Variants in R3HCC1L observed in about 807,000 individuals in gnomAD.
R3HCC1L encodes the protein coiled-coil domain-containing protein R3HCC1L.
In R3HCC1L, 51 loss-of-function variants were observed where a neutral mutation model predicts 59.9. The ratio of observed to expected loss-of-function variants is 0.85; its 90% CI spans 0.68 to 1.07. The LOEUF is 1.07. Among genes scored for constraint, R3HCC1L ranks in the 50% least tolerant of loss-of-function variants. The probability of loss-of-function intolerance (pLI) is 0.00; values close to 1 mark genes in which losing one functional copy is unlikely to be tolerated. For synonymous variants in R3HCC1L, 322 were observed against 315.2 expected, an observed-to-expected ratio of 1.02 and a Z score of -0.23; for missense variants, 965 against 933.0, an observed-to-expected ratio of 1.03 and a Z score of -0.45.
chr10:98,173,002 T>G (rs1302990224), intron 4 of R3HCC1L, among the ~76,000 whole-genome samples: 1 of 152,222 alleles, frequency 6.6e-6, no homozygotes, highest in African/African-American at 2.4e-5. Flanking sequence ...AAAGGTAATT[T>G]ACTGATTTCA....
At chr10:98,218,717 A>G (rs767526746) in intron 5 of R3HCC1L, among the ~76,000 whole-genome samples, 10 of 152,122 alleles carry the variant, frequency 6.6e-5, no homozygotes, top group Non-Finnish European at 1.2e-4. Flanking sequence ...TGTAAATCCA[A>G]TGTTTCTCTG....
intron 1 of R3HCC1L, among the ~76,000 whole-genome samples, chr10:98,138,888 G>A (rs1475197031): frequency 6.6e-6 from 1 of 152,184 alleles, no homozygotes; most frequent in Non-Finnish European, 1.5e-5. Context: ...GAAGATTAAA[G>A]ATTATTCGAA....
rs373770727 is a variant in R3HCC1L at position 98,174,108 on chromosome 10, T to G, written c.-15+10711T>G. On this transcript the variant is annotated intron_variant, in intron 4 of 9. Coordinates refer to ENST00000298999, the MANE Select transcript of R3HCC1L (RefSeq NM_001351015.2). ...GAATATGTGAACAAATATGAGAAATTAGAGAACATTTCAAAGTACTAATAC... is the reference window on the plus strand; with the variant it reads ...GAATATGTGAACAAATATGAGAAATGAGAGAACATTTCAAAGTACTAATAC... Among the ~76,000 whole-genome samples the G allele has an allele frequency of 3.3e-5, 5 of 152,278 alleles. No individual in the cohort carries two copies. In the South Asian group the frequency reaches 1.0e-3, roughly 32 times the overall value.
In R3HCC1L at chr10:98,154,182, CAAA is replaced by C. The variant is rs61379048; in HGVS notation, c.-267-1892_-267-1890del. 4.2e-3 allele frequency among the ~76,000 whole-genome samples: 394 copies of C among 92,796 alleles called. 1 individual carries two copies. Among genetic ancestry groups the C allele is most frequent in the African/African-American group, 0.013 (321 of 24,680 alleles). The allele number at this position is 92,796 out of a possible 152,430, so 60.9% of individuals were successfully genotyped here. A position where few individuals can be genotyped will look rare whatever the true frequency, so the allele number is the denominator to read the frequency against. On this transcript the variant is annotated intron_variant, in intron 1 of 9. Transcript: ENST00000298999. Reference sequence around the variant, plus strand: ...GTTATACTACAGAGCAGAGAATAAGCAAAAAAAAAAAAAAAAAAAAAGGAAGAA... The same window carrying C: ...GTTATACTACAGAGCAGAGAATAAGCAAAAAAAAAAAAAAAAAAGGAAGAA...
At position 98,235,420 on chromosome 10, in the gene R3HCC1L, T is replaced by G; in HGVS notation, c.2033-5T>G. On this transcript the variant is annotated splice_region_variant and splice_polypyrimidine_tract_variant and intron_variant, in intron 7 of 9. Transcript: ENST00000298999. ...TCTTCTGCTTCCTTTTATTCCTCTTTGCAGCTCGTGATGCGTTGGGTATTA... is the reference window on the plus strand; with the variant it reads ...TCTTCTGCTTCCTTTTATTCCTCTTGGCAGCTCGTGATGCGTTGGGTATTA... The G allele has an allele frequency of 6.2e-7, 1 of 1,612,286 alleles. No individual in the cohort carries two copies. The highest frequency in any genetic ancestry group is 8.5e-7 in the Non-Finnish European group (1 of 1,178,636).
intron 9 of R3HCC1L, among the ~76,000 whole-genome samples, chr10:98,237,972 T>A (rs1252537657): frequency 6.6e-6 from 1 of 152,160 alleles, no homozygotes; most frequent in Non-Finnish European, 1.5e-5. Context: ...AGAGGGTAGG[T>A]AAGTAACTTA....
chr10:98,222,161 CATT>C (rs1021319553), intron 5 of R3HCC1L, among the ~76,000 whole-genome samples: 3 of 152,246 alleles, frequency 2.0e-5, no homozygotes, highest in African/African-American at 7.2e-5. Context: ...GGAGTTCACT[CATT>C]ATTTGGCTGT....
intron 5 of R3HCC1L, among the ~76,000 whole-genome samples, chr10:98,224,247 G>T (rs1269398184): frequency 6.6e-6 from 1 of 152,114 alleles, no homozygotes; most frequent in Non-Finnish European, 1.5e-5. Context: ...GCTAGGAGGG[G>T]CATAATGTGG....
At position 98,209,561 on chromosome 10, in the gene R3HCC1L, T is replaced by G; in HGVS notation, c.1447T>G (p.Tyr483Asp). Residue 483 changes from tyrosine (Y) to aspartate (D), a missense_variant, in exon 5 of 10, where the codon TAT (tyrosine) becomes GAT (aspartate). Coordinates refer to ENST00000298999, the MANE Select transcript of R3HCC1L (RefSeq NM_001351015.2). ...TATAAAAAAGATTGCTGGTAGTAAT[T>G]ATAACACTTTTTTGGACTCTGAACT... Reference protein sequence around the residue: ...LPIKKIAGSNYNTFLDSELSM... With the variant: ...LPIKKIAGSNDNTFLDSELSM... 1 of 1,613,944 alleles carries G rather than the reference T, an allele frequency of 6.2e-7. No homozygotes were observed. The highest frequency in any genetic ancestry group is 8.5e-7 in the Non-Finnish European group (1 of 1,179,966).
intron 9 of R3HCC1L, among the ~76,000 whole-genome samples, chr10:98,242,680 C>T (rs1857662657): frequency 6.6e-6 from 1 of 152,204 alleles, no homozygotes; most frequent in African/African-American, 2.4e-5. Flanking sequence ...TTAAGTTTCA[C>T]ACCTTATTGA....
intron 4 of R3HCC1L, among the ~76,000 whole-genome samples, chr10:98,201,603 A>G (rs749727870): frequency 2.6e-5 from 4 of 152,212 alleles, no homozygotes; most frequent in Non-Finnish European, 4.4e-5. Context: ...GGGACAGGGA[A>G]ACAAATATTA....
At chr10:98,150,516 TTTTC>T (rs916117600) in intron 1 of R3HCC1L, among the ~76,000 whole-genome samples, 2 of 152,194 alleles carry the variant, frequency 1.3e-5, no homozygotes, top group Non-Finnish European at 2.9e-5. Flanking sequence ...TTGATTTTCT[TTTTC>T]TTTTTTTTTT....
At chr10:98,160,624 C>T (rs1206210118) in intron 2 of R3HCC1L, among the ~76,000 whole-genome samples, 6 of 152,198 alleles carry the variant, frequency 3.9e-5, no homozygotes, top group Non-Finnish European at 5.9e-5. Context: ...ATTTGAAATA[C>T]AGTGTACTTC....
intron 1 of R3HCC1L, among the ~76,000 whole-genome samples, chr10:98,139,343 C>T (rs544468473): frequency 6.6e-6 from 1 of 152,262 alleles, no homozygotes; most frequent in East Asian, 1.9e-4. Flanking sequence ...AACTCGTGAC[C>T]TGTAGGATGA....
intron 1 of R3HCC1L, among the ~76,000 whole-genome samples, chr10:98,148,098 T>C (rs1019111708): frequency 3.3e-5 from 5 of 152,148 alleles, no homozygotes; most frequent in Non-Finnish European, 7.4e-5. Context: ...CAGTGTTTTA[T>C]AATGTTCCTT....
intron 4 of R3HCC1L, among the ~76,000 whole-genome samples, chr10:98,202,012 C>T (rs1393748454): frequency 1.3e-5 from 2 of 152,010 alleles, no homozygotes; most frequent in African/African-American, 2.4e-5. Context: ...AGCTGTCCTC[C>T]CACCTCAGCC....
At position 98,209,320 on chromosome 10, in the gene R3HCC1L, T is replaced by G. The variant is rs1853232893; in HGVS notation, c.1206T>G (p.Ala402=). Residue 402 remains alanine (A), a synonymous_variant, in exon 5 of 10, where the codon GCT becomes GCG. Coordinates refer to ENST00000298999, the MANE Select transcript of R3HCC1L (RefSeq NM_001351015.2). ...CTTATGTAGTTGCAGTTAGAATAGC[T>G]GATGAGACCTCTATTAATACACGAA... ...DSPYVVAVRI[A]DETSINTRSF... is the part of the protein sequence containing the mutation. 2 of 1,614,006 alleles carry G rather than the reference T, an allele frequency of 1.2e-6. No individual in the cohort carries two copies. The highest frequency in any genetic ancestry group is 2.7e-5 in the African/African-American group (2 of 75,052).
chr10:98,240,946 CA>C (rs1219104998), intron 9 of R3HCC1L, among the ~76,000 whole-genome samples: 1 of 152,134 alleles, frequency 6.6e-6, no homozygotes, highest in Non-Finnish European at 1.5e-5. Flanking sequence ...CTGACCAGGT[CA>C]CCAGCTGTTG....
intron 4 of R3HCC1L, among the ~76,000 whole-genome samples, chr10:98,170,443 A>AAGT (rs1309727357): frequency 1.3e-5 from 2 of 152,026 alleles, no homozygotes; most frequent in African/African-American, 4.8e-5. Flanking sequence ...TCAGCCTTCC[A>AAGT]AGTAGTGAGG....
Sources: gnomAD v4.1 joint callset for allele counts (sites outside exome capture counted in the v4.1 genomes callset) on GRCh38, gnomAD v4.1.1 for gene constraint, MANE v1.5 for transcripts, NCBI Gene and HGNC (gene_info 2026-07-23, HGNC 2026-07-21) for gene names.